Variants in ENAH observed in about 807,000 individuals in gnomAD.
ENAH encodes the protein ENAH actin regulator, also known as protein enabled homolog.
Under a neutral mutation model 78.7 loss-of-function variants are expected in ENAH, and 23 were observed. The ratio of observed to expected loss-of-function variants is 0.29; its 90% confidence interval spans 0.21 to 0.41. The LOEUF (loss-of-function observed/expected upper bound fraction) is 0.41, where lower values mean the gene tolerates loss of function less well. ENAH is among the 10% of genes least tolerant of loss of function. ENAH has a pLI of 1.00. For synonymous variants in ENAH, 226 were observed against 241.0 expected (o/e 0.94, Z 0.58); for missense variants, 544 against 691.0 (o/e 0.79, Z 2.39).
rs984585447 is a variant in ENAH at position 225,489,129 on chromosome 1, C to T, written c.*8646G>A. The T allele has an allele frequency of 3.9e-5, 6 of 152,184 alleles. No individual in the cohort carries two copies. The East Asian group carries it at 5.8e-4, about 15-fold the overall frequency. The allele number at this position is 152,184 out of a possible 1,614,324, so 9.4% of individuals were successfully genotyped here. A position where few individuals can be genotyped will look rare whatever the true frequency, so the allele number is the denominator to read the frequency against. On this transcript the variant is annotated 3_prime_UTR_variant, in exon 14 of 14. Coordinates refer to ENST00000366843, the MANE Select transcript of ENAH (RefSeq NM_018212.6). Reference sequence around the variant, plus strand: ...TGAAAGAAGGGCTTCTTCACTTCATCGAGCTCTGGAAAGTCTGTTTACTTA... The same window carrying T: ...TGAAAGAAGGGCTTCTTCACTTCATTGAGCTCTGGAAAGTCTGTTTACTTA...
At chr1:225,535,091 C>G (rs2096555397) in intron 3 of ENAH, among the ~76,000 whole-genome samples, 1 of 152,110 alleles carries the variant, frequency 6.6e-6, no homozygotes, top group Non-Finnish European at 1.5e-5. Flanking sequence ...AAAATTAATT[C>G]AAGTTAAGCA....
chr1:225,552,064 G>T (rs903083604), intron 3 of ENAH, among the ~76,000 whole-genome samples: 3 of 151,820 alleles, frequency 2.0e-5, no homozygotes, highest in South Asian at 4.2e-4. Context: ...GTTGGGGTAG[G>T]GTACATACCT....
intron 11 of ENAH, among the ~76,000 whole-genome samples, chr1:225,502,401 G>A (rs1457788604): frequency 6.6e-6 from 1 of 151,994 alleles, no homozygotes; most frequent in Non-Finnish European, 1.5e-5. Flanking sequence ...GAGTAGAGAC[G>A]GGGTTTCACC....
At chr1:225,648,634 C>T (rs1313176814) in intron 1 of ENAH, among the ~76,000 whole-genome samples, 4 of 152,136 alleles carry the variant, frequency 2.6e-5, no homozygotes, top group East Asian at 3.8e-4. Flanking sequence ...GGGAAAGTCA[C>T]ACATCCAACA....
rs1254173733 is a variant in ENAH at position 225,495,156 on chromosome 1, TCA to T, written c.*2617_*2618del. ...TAGTACAGACTTGTCACAGGTCAGA[TCA>T]CAGTGTTGAGGAAAGCAGTGCCTTC... is the stretch of plus-strand genomic sequence containing the variant. On this transcript the variant is annotated 3_prime_UTR_variant, in exon 14 of 14. Coordinates refer to ENST00000366843, the MANE Select transcript of ENAH (RefSeq NM_018212.6). The T allele has an allele frequency of 6.6e-6, 1 of 152,616 alleles. No individual in the cohort carries two copies. Among genetic ancestry groups the T allele is most frequent in the Non-Finnish European group, 1.5e-5 (1 of 68,034 alleles). The allele number at this position is 152,616 out of a possible 1,614,324, so 9.5% of individuals were successfully genotyped here.
At chr1:225,517,052 A>AT in intron 6 of ENAH, 144 bp downstream of exon 6, 1 of 584,090 alleles carries the variant, frequency 1.7e-6, no homozygotes, top group East Asian at 3.2e-5. Context: ...AATTTTTTTA[A>AT]TTAAAAAAAA....
At chr1:225,550,742 T>A (rs2096637319) in intron 3 of ENAH, among the ~76,000 whole-genome samples, 1 of 152,146 alleles carries the variant, frequency 6.6e-6, no homozygotes, top group African/African-American at 2.4e-5. Flanking sequence ...GTTCAATAGA[T>A]TAAAAAATAA....
At chr1:225,506,083 G>C (rs933970970) in intron 11 of ENAH, among the ~76,000 whole-genome samples, 1 of 151,976 alleles carries the variant, frequency 6.6e-6, no homozygotes, top group Non-Finnish European at 1.5e-5. Context: ...ATACATCAAA[G>C]AATGTATTCC....
chr1:225,520,935 AGGGAGGGAGGGAGGG>A (rs2096462772), intron 4 of ENAH, among the ~76,000 whole-genome samples: 84 of 774 alleles, frequency 0.11, no homozygotes, highest in Middle Eastern at 0.5. Flanking sequence ...GGAGGGAGGG[AGGGAGGGAGGGAGGG>A]AGGGAGGGAG....
rs1366243423 is a variant in ENAH, at chr1:225,491,471, A to C, written c.*6304T>G. On this transcript the variant is annotated 3_prime_UTR_variant, in exon 14 of 14. Transcript: ENST00000366843. ...AAACATTTATTTTTAAAATGCCTTT[A>C]ATCTTTAAAAAAAAAAATAAAAGAA... The C allele has an allele frequency of 1.1e-5, 1 of 91,088 alleles. No individual in the cohort carries two copies. The highest frequency in any genetic ancestry group is 1.1e-4 in the Admixed American group (1 of 8,780). The allele number at this position is 91,088 out of a possible 1,614,324, so 5.6% of individuals were successfully genotyped here. A position where few individuals can be genotyped will look rare whatever the true frequency, so the allele number is the denominator to read the frequency against.
chr1:225,540,337 T>C (rs2096583200), intron 3 of ENAH, among the ~76,000 whole-genome samples: 1 of 152,200 alleles, frequency 6.6e-6, no homozygotes, highest in Non-Finnish European at 1.5e-5. Context: ...TATCCACATG[T>C]AAAAAACTGA....
intron 1 of ENAH, among the ~76,000 whole-genome samples, chr1:225,610,493 C>T (rs1017303459): frequency 6.6e-6 from 1 of 152,028 alleles, no homozygotes; most frequent in African/African-American, 2.4e-5. Context: ...GATAGGTCCC[C>T]AGTAAAAAAA....
rs139867814 is a variant in ENAH at position 225,563,515 on chromosome 1, C to T, written c.171+3734G>A. Among the ~76,000 whole-genome samples, 236 of 152,242 alleles carry T rather than the reference C, an allele frequency of 1.6e-3. 1 individual carries two copies. The highest frequency in any genetic ancestry group is 5.4e-3 in the African/African-American group (223 of 41,548). Reference sequence around the variant, plus strand: ...GTATTGATTCAAATTTTATCAAATGCTTTTTCCAGAACCTCTTGCTTTTGT... The same window carrying T: ...GTATTGATTCAAATTTTATCAAATGTTTTTTCCAGAACCTCTTGCTTTTGT... On this transcript the variant is annotated intron_variant, in intron 2 of 13. Coordinates refer to ENST00000366843, the MANE Select transcript of ENAH (RefSeq NM_018212.6).
chr1:225,587,296 A>G (rs1211884644), intron 1 of ENAH, among the ~76,000 whole-genome samples: 2 of 152,198 alleles, frequency 1.3e-5, no homozygotes, highest in East Asian at 3.8e-4. Context: ...AGGAATCTAC[A>G]AAGCAGCAAA....
At chr1:225,549,634 G>A (rs551996) in intron 3 of ENAH, among the ~76,000 whole-genome samples, 100,282 of 151,854 alleles carry the variant, frequency 0.66, 33,412 homozygotes, top group Middle Eastern at 0.74. Flanking sequence ...ACCTTGTAGG[G>A]TTGTTATAAA....
At chr1:225,612,093 C>T (rs931153110) in intron 1 of ENAH, among the ~76,000 whole-genome samples, 2 of 151,996 alleles carry the variant, frequency 1.3e-5, no homozygotes, top group African/African-American at 2.4e-5. Context: ...GATATATGTC[C>T]GAAAAAACTG....
chr1:225,531,129 T>C (rs897894719), intron 3 of ENAH: 5 of 398,080 alleles, frequency 1.3e-5, no homozygotes, highest in East Asian at 3.6e-5. Flanking sequence ...CTAAAGCATT[T>C]ATCAAATTTG....
At chr1:225,627,406 G>A (rs1007756093) in intron 1 of ENAH, among the ~76,000 whole-genome samples, 6 of 152,116 alleles carry the variant, frequency 3.9e-5, no homozygotes, top group Admixed American at 1.3e-4. Flanking sequence ...TGTGGAGGAG[G>A]GGAAGACTGA....
At chr1:225,645,333 A>C (rs1661763856) in intron 1 of ENAH, among the ~76,000 whole-genome samples, 1 of 152,150 alleles carries the variant, frequency 6.6e-6, no homozygotes, top group Non-Finnish European at 1.5e-5. Context: ...ACTTAGCATA[A>C]TGCTTCCATC....
Sources: gnomAD v4.1 joint callset for allele counts (sites outside exome capture counted in the v4.1 genomes callset) on GRCh38, gnomAD v4.1.1 for gene constraint, MANE v1.5 for transcripts, NCBI Gene and HGNC (gene_info 2026-07-23, HGNC 2026-07-21) for gene names.